The following MED26 variants were observed in gnomAD, a reference collection of about 807,000 sequenced individuals.
MED26 encodes the protein mediator of RNA polymerase II transcription subunit 26.
In MED26, 7 loss-of-function variants were observed where a neutral mutation model predicts 43.7. The observed-to-expected ratio is 0.16, with a 90% CI of 0.09 to 0.30. The LOEUF is 0.30. Ranked by LOEUF, MED26 falls within the 10% of genes least tolerant of loss-of-function variation. The pLI is 1.00. For missense variants in MED26, 784 were observed against 840.6 expected (o/e 0.93, Z 0.83); for synonymous variants, 375 against 371.1 (o/e 1.01, Z -0.12).
chr19:16,606,661 T>C (rs556422396), intron 1 of MED26, among the ~76,000 whole-genome samples: 132 of 152,388 alleles, frequency 8.7e-4, no homozygotes, highest in African/African-American at 3.0e-3. Flanking sequence ...TTAGCCACGA[T>C]GAAACCTAGA....
At chr19:16,591,784 G>T (rs1207031425) in intron 1 of MED26, among the ~76,000 whole-genome samples, 3 of 152,224 alleles carry the variant, frequency 2.0e-5, no homozygotes, top group African/African-American at 7.2e-5. Flanking sequence ...TAGCCACGGT[G>T]CGTCTGACAG....
chr19:16,607,375 GAAAAA>G, intron 1 of MED26, among the ~76,000 whole-genome samples: 1 of 111,476 alleles, frequency 9.0e-6, no homozygotes, highest in Non-Finnish European at 1.9e-5. Flanking sequence ...CTTTTGTGGG[GAAAAA>G]AAAAAAAAAA....
At chr19:16,583,953 C>G (rs2086058386) in intron 1 of MED26, among the ~76,000 whole-genome samples, 1 of 152,162 alleles carries the variant, frequency 6.6e-6, no homozygotes, top group Non-Finnish European at 1.5e-5. Context: ...CAGCACAACC[C>G]TCAGCACACA....
chr19:16,584,303 CG>C (rs200435852), intron 1 of MED26, among the ~76,000 whole-genome samples: 4,488 of 131,744 alleles, frequency 0.034, 218 homozygotes, highest in Admixed American at 0.089. Flanking sequence ...TGCCCCCCCC[CG>C]CCCCGCCAAA....
intron 1 of MED26, among the ~76,000 whole-genome samples, chr19:16,599,716 G>T (rs1054106316): frequency 1.3e-5 from 2 of 151,942 alleles, no homozygotes; most frequent in Non-Finnish European, 2.9e-5. Flanking sequence ...TCCAGCCCCT[G>T]CCAAACCGCT....
chr19:16,592,841 A>G (rs544933806), intron 1 of MED26, among the ~76,000 whole-genome samples: 2 of 152,322 alleles, frequency 1.3e-5, no homozygotes, highest in East Asian at 1.9e-4. Flanking sequence ...CTTGGTTCCA[A>G]TCAACTGCCT....
intron 1 of MED26, among the ~76,000 whole-genome samples, chr19:16,600,728 C>T (rs1180964354): frequency 6.6e-6 from 1 of 152,220 alleles, no homozygotes; most frequent in Non-Finnish European, 1.5e-5. Flanking sequence ...TGTAGGAGCT[C>T]TGCTGAAGAT....
chr19:16,600,778 C>T (rs1267633621), intron 1 of MED26, among the ~76,000 whole-genome samples: 1 of 152,076 alleles, frequency 6.6e-6, no homozygotes, highest in Admixed American at 6.6e-5. Context: ...TCAGTGAGGC[C>T]GATCAGGCAC....
At chr19:16,618,785 G>C (rs957799969) in intron 1 of MED26, among the ~76,000 whole-genome samples, 3 of 152,168 alleles carry the variant, frequency 2.0e-5, no homozygotes, top group African/African-American at 7.2e-5. Context: ...CAGATTCAGG[G>C]GTAAGCCAAT....
chr19:16,606,308 T>G (rs1286415480), intron 1 of MED26, among the ~76,000 whole-genome samples: 1 of 152,104 alleles, frequency 6.6e-6, no homozygotes, highest in Non-Finnish European at 1.5e-5. Context: ...CCCAGCACTT[T>G]GGGAGGCTGA....
intron 1 of MED26, among the ~76,000 whole-genome samples, chr19:16,624,030 A>C (rs1252535298): frequency 6.6e-6 from 1 of 152,094 alleles, no homozygotes; most frequent in Non-Finnish European, 1.5e-5. Context: ...ACAGGGTGCC[A>C]CACAAACTAA....
chr19:16,599,267 A>C (rs1414800870), intron 1 of MED26, among the ~76,000 whole-genome samples: 1 of 152,234 alleles, frequency 6.6e-6, no homozygotes, highest in Non-Finnish European at 1.5e-5. Flanking sequence ...TATCAAAATA[A>C]AACATGCTCA....
At chr19:16,621,047 T>C (rs1478373590) in intron 1 of MED26, among the ~76,000 whole-genome samples, 1 of 152,186 alleles carries the variant, frequency 6.6e-6, no homozygotes, top group Non-Finnish European at 1.5e-5. Flanking sequence ...GAATTCAAAA[T>C]GTAACATGTG....
rs373021118 is a variant in MED26 at position 16,576,468 on chromosome 19, C to T, written c.1362G>A (p.Gln454=). 1.1e-4 allele frequency: 178 copies of T among 1,614,068 alleles called. No individual in the cohort carries two copies. The highest frequency in any genetic ancestry group is 1.5e-4 in the Non-Finnish European group (175 of 1,180,034). Residue 454 remains glutamine, a synonymous_variant, in exon 3 of 3, where the codon CAG becomes CAA. Transcript: ENST00000263390. This position sits in a 1 kb window ranked among gnomAD's most constrained non-coding sequence, Gnocchi z 6.8. The part of the protein sequence containing the change: ...RADSPVHMEQ[Q]SRTELDKQEA... ...CCTGCTTGTCCAGCTCTGTCCTGGA[C>T]TGCTGCTCCATGTGCACAGGGCTGT...
At position 16,618,597 on chromosome 19, in the gene MED26, A is replaced by G. The variant is rs182978248; in HGVS notation, c.72+9275T>C. ...ACATTTCCCATTTTTTTCCCCAAAA[A>G]CTCCCATTTTGCCTTCTGGAGCCAA... On this transcript the variant is annotated intron_variant, in intron 1 of 2. Transcript: ENST00000263390. Among the ~76,000 whole-genome samples, 482 of 151,596 alleles carry G rather than the reference A, an allele frequency of 3.2e-3. 2 individuals carry two copies. Among genetic ancestry groups the G allele is most frequent in the African/African-American group, 0.011 (463 of 41,278 alleles).
intron 1 of MED26, 127 bp from the exon 2 acceptor site, chr19:16,578,536 C>G: frequency 1.2e-6 from 1 of 820,550 alleles, no homozygotes; most frequent in East Asian, 2.7e-5. Flanking sequence ...CACTGAAGCC[C>G]CCACTCCATG....
chr19:16,578,150 C>T (rs746063761), intron 2 of MED26, 185 bp downstream of exon 2: 3 of 641,216 alleles, frequency 4.7e-6, no homozygotes, highest in Non-Finnish European at 8.4e-6. Flanking sequence ...GGAGTAACAC[C>T]ACTTGGTCTC....
At chr19:16,617,887 G>A (rs1205309079) in intron 1 of MED26, among the ~76,000 whole-genome samples, 2 of 152,168 alleles carry the variant, frequency 1.3e-5, no homozygotes, top group African/African-American at 4.8e-5. Flanking sequence ...CCTCACAGAC[G>A]AGCTGAGACT....
At chr19:16,612,622 A>G (rs1317475722) in intron 1 of MED26, among the ~76,000 whole-genome samples, 1 of 152,216 alleles carries the variant, frequency 6.6e-6, no homozygotes, top group Non-Finnish European at 1.5e-5. Context: ...CTACACAGGA[A>G]GAATATTGGC....
Sources: allele counts gnomAD v4.1 joint callset (sites outside exome capture counted in the v4.1 genomes callset), GRCh38; gene constraint gnomAD v4.1.1; non-coding constraint Gnocchi (gnomAD v3.1); transcripts MANE v1.5; gene names NCBI Gene and HGNC (gene_info 2026-07-23, HGNC 2026-07-21).